PLAAT1: variants seen among roughly 807,000 people sequenced by gnomAD.
PLAAT1 encodes H-REV107 protein-related protein.
In PLAAT1, 13 loss-of-function variants were observed where a neutral mutation model predicts 16.4. That is an observed-to-expected ratio of 0.79 (90% CI 0.52 to 1.26). The LOEUF (loss-of-function observed/expected upper bound fraction) is 1.26, where lower values mean the gene tolerates loss of function less well. PLAAT1 is among the 50% of genes most tolerant of loss of function. PLAAT1 has a pLI of 0.00. For missense variants in PLAAT1, 218 were observed against 207.8 expected (o/e 1.05, Z -0.30); for synonymous variants, 73 against 78.4 (o/e 0.93, Z 0.36).
At chr3:193,280,317 G>A (rs1211646203), downstream of PLAAT1, among the ~76,000 whole-genome samples, 2 of 152,118 alleles carry the variant, frequency 1.3e-5, no homozygotes, top group African/African-American at 4.8e-5. Flanking sequence ...CTCCCAAAGT[G>A]CTATGATTAC....
At chr3:193,245,431 T>TTTATCC (rs1715944850) in intron 1 of PLAAT1, among the ~76,000 whole-genome samples, 1 of 152,204 alleles carries the variant, frequency 6.6e-6, no homozygotes, top group Non-Finnish European at 1.5e-5. Flanking sequence ...TTTTTATCCG[T>TTTATCC]TTATCCATTA....
rs1425670485 is a variant in PLAAT1 at position 193,270,839 on chromosome 3, T to A, written c.*134T>A. Reference sequence around the variant, plus strand: ...GATGGCAGACTCTTTAATAAATTGCTTACTGATATTATCTTATCATTGAGC... The same window carrying A: ...GATGGCAGACTCTTTAATAAATTGCATACTGATATTATCTTATCATTGAGC... On this transcript the variant is annotated 3_prime_UTR_variant, in exon 4 of 4. Coordinates refer to ENST00000264735, the MANE Select transcript of PLAAT1 (RefSeq NM_020386.5). 6 of 1,368,854 alleles carry A rather than the reference T, an allele frequency of 4.4e-6. No individual in the cohort carries two copies. The highest frequency in any genetic ancestry group is 5.7e-6 in the Non-Finnish European group (6 of 1,058,822). The allele number at this position is 1,368,854 out of a possible 1,614,324, so 84.8% of individuals were successfully genotyped here. A position where few individuals can be genotyped will look rare whatever the true frequency, so the allele number is the denominator to read the frequency against.
In PLAAT1 at chr3:193,241,224, C is replaced by T. The variant is rs1004303075; in HGVS notation, c.-310C>T. ...GGCGGAGCGGGCGGCTCCCCATGGTCAGAGCCTCGTGCCGGCTCGGCAGCG... is the reference window on the plus strand; with the variant it reads ...GGCGGAGCGGGCGGCTCCCCATGGTTAGAGCCTCGTGCCGGCTCGGCAGCG... On this transcript the variant is annotated 5_prime_UTR_variant, in exon 1 of 4. Coordinates refer to ENST00000264735, the MANE Select transcript of PLAAT1 (RefSeq NM_020386.5). 2 of 1,224,536 alleles carry T rather than the reference C, an allele frequency of 1.6e-6. No individual in the cohort carries two copies. Among genetic ancestry groups the T allele is most frequent in the Non-Finnish European group, 2.0e-6 (2 of 983,334 alleles). The allele number at this position is 1,224,536 out of a possible 1,614,324, so 75.9% of individuals were successfully genotyped here. A position where few individuals can be genotyped will look rare whatever the true frequency, so the allele number is the denominator to read the frequency against.
chr3:193,275,839 T>C (rs1717172741), downstream of PLAAT1, among the ~76,000 whole-genome samples: 1 of 152,340 alleles, frequency 6.6e-6, no homozygotes, highest in Middle Eastern at 3.4e-3. Flanking sequence ...CTAAACTTTC[T>C]GTGGTAAACA....
downstream of PLAAT1, among the ~76,000 whole-genome samples, chr3:193,273,347 A>G (rs963195852): frequency 6.6e-6 from 1 of 152,202 alleles, no homozygotes; most frequent in African/African-American, 2.4e-5. Flanking sequence ...AGAAATTATT[A>G]CTCTCCAGAG....
At chr3:193,278,626 C>G (rs1717335905), downstream of PLAAT1, among the ~76,000 whole-genome samples, 1 of 152,164 alleles carries the variant, frequency 6.6e-6, no homozygotes, top group African/African-American at 2.4e-5. Flanking sequence ...AAAATGTGGC[C>G]TATTCTTTTG....
Position 193,241,284 on chromosome 3 carries a change from C to G in PLAAT1, c.-250C>G. On this transcript the variant is annotated 5_prime_UTR_variant, in exon 1 of 4. Transcript: ENST00000264735. ...CGAGCCCAGCGCGTCGGCCCCCCGG[C>G]GTGCGGGCGTCTCAGAGCCGCGGAG... 1.6e-6 allele frequency: 2 copies of G among 1,230,298 alleles called. No homozygotes were observed. The highest frequency in any genetic ancestry group is 2.0e-6 in the Non-Finnish European group (2 of 987,060). 76.2% of individuals were successfully genotyped at this position (1,230,298 alleles called of 1,614,324 possible).
intron 3 of PLAAT1, among the ~76,000 whole-genome samples, chr3:193,263,851 AT>A (rs1716681191): frequency 6.6e-6 from 1 of 152,160 alleles, no homozygotes; most frequent in East Asian, 1.9e-4. Context: ...GTTTTGTAGT[AT>A]GACAAATTTC....
chr3:193,274,278 A>G (rs1717084958), downstream of PLAAT1, among the ~76,000 whole-genome samples: 1 of 152,158 alleles, frequency 6.6e-6, no homozygotes, highest in Admixed American at 6.5e-5. Context: ...GTCAGTAACA[A>G]GCAGTAAATG....
At chr3:193,252,255 G>T (rs1222498540) in intron 1 of PLAAT1, among the ~76,000 whole-genome samples, 2 of 152,024 alleles carry the variant, frequency 1.3e-5, no homozygotes, top group Non-Finnish European at 2.9e-5. Flanking sequence ...ATCACCAAGG[G>T]GTTGGCATTA....
chr3:193,248,361 C>T (rs776745402), intron 1 of PLAAT1, among the ~76,000 whole-genome samples: 17 of 151,550 alleles, frequency 1.1e-4, no homozygotes, highest in Non-Finnish European at 2.1e-4. Context: ...TTTTTTAATC[C>T]ATTGAACCAT....
chr3:193,257,607 A>G (rs1391231954), intron 2 of PLAAT1, among the ~76,000 whole-genome samples: 2 of 152,190 alleles, frequency 1.3e-5, no homozygotes, highest in South Asian at 2.1e-4. Flanking sequence ...TTGGTCCTCA[A>G]TATCGATGAG....
Position 193,241,487 on chromosome 3 carries a change from C to A in PLAAT1, c.-47C>A. The A allele has an allele frequency of 8.1e-7, 1 of 1,231,988 alleles. No individual in the cohort carries two copies. Among genetic ancestry groups the A allele is most frequent in the Non-Finnish European group, 1.0e-6 (1 of 988,190 alleles). The allele number at this position is 1,231,988 out of a possible 1,614,324, so 76.3% of individuals were successfully genotyped here. A position where few individuals can be genotyped will look rare whatever the true frequency, so the allele number is the denominator to read the frequency against. ...AGGCCAAGAGAGACCCCAGGACACA[C>A]ACAGCTGCCTCCCGGTGCGAGAAGA... On this transcript the variant is annotated 5_prime_UTR_variant, in exon 1 of 4. Transcript: ENST00000264735.
At chr3:193,240,654 C>CGTGTGTGTGTGTGTGTGTGT (rs370008875), upstream of PLAAT1, among the ~76,000 whole-genome samples, 597 of 88,526 alleles carry the variant, frequency 6.7e-3, 8 homozygotes, top group African/African-American at 8.9e-3. Context: ...GGCTATCTGG[C>CGTGTGTGTGTGTGTGTGTGT]GTGTGTGTGT....
At chr3:193,255,053 T>G (rs1716322918) in intron 1 of PLAAT1, among the ~76,000 whole-genome samples, 2 of 152,158 alleles carry the variant, frequency 1.3e-5, no homozygotes, top group Non-Finnish European at 2.9e-5. Flanking sequence ...TATTAAATGT[T>G]AGCATCCACC....
At chr3:193,277,102 C>T (rs1354251205) in intron 2 of PLAAT1, among the ~76,000 whole-genome samples, 3 of 152,222 alleles carry the variant, frequency 2.0e-5, no homozygotes, top group Non-Finnish European at 2.9e-5. Flanking sequence ...ATCACAAATA[C>T]GAGACAGGAC....
At chr3:193,240,993 A>T (rs1577293722), upstream of PLAAT1, 3 of 356,510 alleles carry the variant, frequency 8.4e-6, no homozygotes, top group African/African-American at 4.3e-5. Flanking sequence ...AACGTCCGAG[A>T]CGCGGGTGCG....
chr3:193,244,901 C>G (rs755945410), intron 1 of PLAAT1, among the ~76,000 whole-genome samples: 3 of 152,188 alleles, frequency 2.0e-5, no homozygotes, highest in Non-Finnish European at 2.9e-5. Context: ...GGACAGAGCT[C>G]TCCTGATCCA....
intron 1 of PLAAT1, 88 bp downstream of exon 1, chr3:193,241,621 G>T: frequency 1.0e-6 from 1 of 960,476 alleles, no homozygotes; most frequent in South Asian, 5.3e-5. Flanking sequence ...AAGTTGACAT[G>T]ACTAGAGAAC....
Sources: allele counts gnomAD v4.1 joint callset (sites outside exome capture counted in the v4.1 genomes callset), GRCh38; gene constraint gnomAD v4.1.1; transcripts MANE v1.5; gene names NCBI Gene and HGNC (gene_info 2026-07-23, HGNC 2026-07-21).